The following TBRG1 variants were observed in gnomAD, a reference collection of about 807,000 sequenced individuals.
The protein encoded by TBRG1 is transforming growth factor beta regulator 1, also known as nuclear interactor of ARF and MDM2.
A neutral mutation model predicts 44.0 loss-of-function variants in TBRG1; 31 were observed. The ratio of observed to expected loss-of-function variants is 0.70; its 90% CI spans 0.53 to 0.95. The LOEUF (loss-of-function observed/expected upper bound fraction) is 0.95. Among genes scored for constraint, TBRG1 ranks in the 40% least tolerant of loss-of-function variants. The pLI, the probability that TBRG1 is intolerant of heterozygous loss-of-function variation, is 0.00. For missense variants in TBRG1, 487 were observed against 496.1 expected (o/e 0.98, Z 0.18); for synonymous variants, 171 against 188.1 (o/e 0.91, Z 0.74).
rs1307572795 is a variant in TBRG1 at position 124,624,927 on chromosome 11, A to G, written c.151-4A>G. The G allele has an allele frequency of 3.3e-6, 5 of 1,525,762 alleles. No individual in the cohort carries two copies. In the Admixed American group the frequency reaches 1.0e-4, roughly 30 times the overall value. 94.5% of individuals were successfully genotyped at this position (1,525,762 alleles called of 1,614,324 possible). ...TGTTATTATATTCACATTTTTACTT[A>G]AAGGAAAATGCTGCTATTTGTGATG... is the stretch of plus-strand genomic sequence containing the variant. On this transcript the variant is annotated splice_region_variant and splice_polypyrimidine_tract_variant and intron_variant, in intron 1 of 8. Transcript: ENST00000441174.
At chr11:124,624,640 G>A (rs937329408) in intron 1 of TBRG1, among the ~76,000 whole-genome samples, 4 of 152,134 alleles carry the variant, frequency 2.6e-5, no homozygotes, top group Admixed American at 6.5e-5. Context: ...ATCTTGGCTT[G>A]CCCAGGACAG....
At position 124,623,141 on chromosome 11, in the gene TBRG1, G is replaced by A; in HGVS notation, c.58G>A (p.Ala20Thr). The A allele has an allele frequency of 6.4e-7, 1 of 1,551,576 alleles. No homozygotes were observed. The highest frequency in any genetic ancestry group is 8.7e-7 in the Non-Finnish European group (1 of 1,147,010). The change falls in exon 1 of 9, where the codon GCC becomes ACC. Residue 20 changes from alanine (A) to threonine (T), a missense_variant. By Grantham distance (58) the Ala-to-Thr change is moderately conservative. Coordinates refer to ENST00000441174, the MANE Select transcript of TBRG1 (RefSeq NM_032811.3). ...GCGGGCTCCGCTGCAGTCCAGCAAG[G>A]CCAGGATGAAAAAGCTCCCGAAGAA... is the stretch of plus-strand genomic sequence containing the variant. ...SPRAPLQSSK[A>T]RMKKLPKKSQ...
At chr11:124,623,354 T>C (rs1942384264) in intron 1 of TBRG1, 121 bp downstream of exon 1, 1 of 1,098,714 alleles carries the variant, frequency 9.1e-7, no homozygotes, top group Non-Finnish European at 1.4e-6. Flanking sequence ...TCCGTATACG[T>C]TACTACTTGT....
chr11:124,627,168 C>A, intron 5 of TBRG1, 118 bp downstream of exon 5: 2 of 757,454 alleles, frequency 2.6e-6, no homozygotes, highest in Non-Finnish European at 2.2e-6. Context: ...TGGGTAATCC[C>A]AAGATGCAGA....
At position 124,632,437 on chromosome 11, in the gene TBRG1, A is replaced by G. The variant is rs1406168899; in HGVS notation, c.*199A>G. 2 of 472,888 alleles carry G rather than the reference A, an allele frequency of 4.2e-6. No homozygotes were observed. The highest frequency in any genetic ancestry group is 3.0e-5 in the South Asian group (1 of 33,832). The allele number at this position is 472,888 out of a possible 1,614,324, so 29.3% of individuals were successfully genotyped here. Reference sequence around the variant, plus strand: ...TTTTAGTAATAAATTTCTCTTGTCAATTCTGTTTACTTTCATCTTGTAATC... The same window carrying G: ...TTTTAGTAATAAATTTCTCTTGTCAGTTCTGTTTACTTTCATCTTGTAATC... On this transcript the variant is annotated 3_prime_UTR_variant, in exon 9 of 9. Transcript: ENST00000441174.
Position 124,624,363 on chromosome 11 carries a change from CAAAAAAAAAAAA to C in TBRG1, c.151-559_151-548del, listed in dbSNP as rs61352898. ...GGGAGATAGATTGAGTCATCATTTA[CAAAAAAAAAAAA>C]AAAAAAAAGAAAAAAGATAATACTT... On this transcript the variant is annotated intron_variant, in intron 1 of 8. Coordinates refer to ENST00000441174, the MANE Select transcript of TBRG1 (RefSeq NM_032811.3). Among the ~76,000 whole-genome samples, 3 of 83,586 alleles carry C rather than the reference CAAAAAAAAAAAA, an allele frequency of 3.6e-5. No individual in the cohort carries two copies. In the South Asian group the frequency reaches 1.4e-3, roughly 39 times the overall value. The allele number at this position is 83,586 out of a possible 152,430, so 54.8% of individuals were successfully genotyped here.
At chr11:124,628,628 A>G (rs1026629769) in intron 5 of TBRG1, among the ~76,000 whole-genome samples, 2 of 152,056 alleles carry the variant, frequency 1.3e-5, no homozygotes, top group Admixed American at 6.5e-5. Flanking sequence ...CAAAACTGAG[A>G]TCTTATTTTG....
chr11:124,630,537 T>G (rs1291102380), intron 6 of TBRG1, 52 bp downstream of exon 6: 2 of 1,358,314 alleles, frequency 1.5e-6, no homozygotes, highest in Non-Finnish European at 2.1e-6. Flanking sequence ...GTTGGTACAG[T>G]GAAACCTTTT....
chr11:124,625,084 CT>C, intron 2 of TBRG1, 83 bp downstream of exon 2: 20 of 986,576 alleles, frequency 2.0e-5, no homozygotes, highest in Non-Finnish European at 2.8e-5. Flanking sequence ...GCTCTGGAGA[CT>C]TTTTTTCCCA....
intron 4 of TBRG1, 29 bp downstream of exon 4, chr11:124,626,638 G>T: frequency 6.4e-7 from 1 of 1,550,968 alleles, no homozygotes. Flanking sequence ...ATATAGAGAG[G>T]AGAATCAGGG....
At chr11:124,624,823 T>C (rs1048036507) in intron 1 of TBRG1, 108 bp from the exon 2 acceptor site, 1 of 739,010 alleles carries the variant, frequency 1.4e-6, no homozygotes, top group Non-Finnish European at 2.3e-6. Context: ...AGCTCCTTCT[T>C]CTCAGTAATA....
At chr11:124,623,525 G>T in intron 1 of TBRG1, 1 of 451,098 alleles carries the variant, frequency 2.2e-6, no homozygotes. Context: ...GTTACTGCAG[G>T]ACTCTAGGAA....
At chr11:124,625,034 C>CT (rs1565398627) in intron 2 of TBRG1, 33 bp downstream of exon 2, 2 of 1,435,486 alleles carry the variant, frequency 1.4e-6, no homozygotes, top group Non-Finnish European at 1.9e-6. Flanking sequence ...TCAGCATCAC[C>CT]TTTTTGGTGA....
Position 124,634,160 on chromosome 11 carries a change from C to CG in TBRG1, c.*1924dup, listed in dbSNP as rs1942670260. 6.6e-6 allele frequency: 1 copy of CG among 152,048 alleles called. No individual in the cohort carries two copies. Among genetic ancestry groups the CG allele is most frequent in the African/African-American group, 2.4e-5 (1 of 41,356 alleles). The allele number at this position is 152,048 out of a possible 1,614,324, so 9.4% of individuals were successfully genotyped here. On this transcript the variant is annotated 3_prime_UTR_variant, in exon 9 of 9. Transcript: ENST00000441174. ...GAGATCGAGACCATCCTGGCTAAGT[C>CG]GGTCTCTAATAAAAATACAAAAAAT...
rs1467300535 is a variant in TBRG1 at position 124,635,613 on chromosome 11, ACTAT to A, written c.*3379_*3382del. ...TACATATGATTTCATTAATATATTC[ACTAT>A]CTAAACCATATTTTTTACACTACGT... On this transcript the variant is annotated 3_prime_UTR_variant, in exon 9 of 9. Coordinates refer to ENST00000441174, the MANE Select transcript of TBRG1 (RefSeq NM_032811.3). 1.3e-5 allele frequency: 2 copies of A among 152,220 alleles called. No homozygotes were observed. The highest frequency in any genetic ancestry group is 2.4e-5 in the African/African-American group (1 of 41,462). 9.4% of individuals were successfully genotyped at this position (152,220 alleles called of 1,614,324 possible).
intron 2 of TBRG1, 49 bp downstream of exon 2, chr11:124,625,050 T>C: frequency 7.7e-7 from 1 of 1,303,106 alleles, no homozygotes; most frequent in South Asian, 1.3e-5. Context: ...GGTGATTGAT[T>C]TGGTGATTGA....
rs770937002 is a variant in TBRG1 at position 124,631,342 on chromosome 11, A to G, written c.1015A>G (p.Asn339Asp). ...GCAGCTACCTGAGGGGCTGCCGGAGAATGATGCAGCTATGAGCTTTGAAGC... is the reference window on the plus strand; with the variant it reads ...GCAGCTACCTGAGGGGCTGCCGGAGGATGATGCAGCTATGAGCTTTGAAGC... ...DGQLPEGLPE[N>D]DAAMSFEAFQ... The change falls in exon 8 of 9, where the codon AAT becomes GAT. Residue 339 changes from asparagine to aspartate, a missense_variant. Coordinates refer to ENST00000441174, the MANE Select transcript of TBRG1 (RefSeq NM_032811.3). The G allele has an allele frequency of 4.3e-6, 7 of 1,613,514 alleles. No individual in the cohort carries two copies. Among genetic ancestry groups the G allele is most frequent in the Non-Finnish European group, 5.1e-6 (6 of 1,179,654 alleles).
At chr11:124,626,434 A>T in intron 3 of TBRG1, 39 bp from the exon 4 acceptor site, 1 of 1,480,108 alleles carries the variant, frequency 6.8e-7, no homozygotes, top group Non-Finnish European at 9.0e-7. Context: ...TCAACATTGG[A>T]AGGGGCCTAA....
At chr11:124,630,636 A>G (rs1942588489) in intron 6 of TBRG1, 109 bp from the exon 7 acceptor site, 1 of 1,031,554 alleles carries the variant, frequency 9.7e-7, no homozygotes, top group East Asian at 2.5e-5. Context: ...CCTCCACATT[A>G]TCAAAGTCAA....
Sources: gnomAD v4.1 joint callset for allele counts (sites outside exome capture counted in the v4.1 genomes callset) on GRCh38, gnomAD v4.1.1 for gene constraint, MANE v1.5 for transcripts, NCBI Gene and HGNC (gene_info 2026-07-23, HGNC 2026-07-21) for gene names.